The following MARCHF4 variants were observed in gnomAD, a reference collection of about 807,000 sequenced individuals.
MARCHF4 encodes the protein E3 ubiquitin-protein ligase MARCHF4.
In MARCHF4, 14 loss-of-function variants were observed where a neutral mutation model predicts 43.9. That is an observed-to-expected ratio of 0.32 (90% CI 0.21 to 0.50). The LOEUF is 0.50. Among genes scored for constraint, MARCHF4 ranks in the 20% least tolerant of loss-of-function variants. MARCHF4 has a pLI of 0.98. For synonymous variants in MARCHF4, 226 were observed against 213.3 expected, an observed-to-expected ratio of 1.06 and a Z score of -0.52; for missense variants, 468 against 536.7, an observed-to-expected ratio of 0.87 and a Z score of 1.27.
intron 2 of MARCHF4, among the ~76,000 whole-genome samples, chr2:216,279,477 G>T (rs207810): frequency 0.49 from 74,883 of 152,086 alleles, 20,660 homozygotes; most frequent in African/African-American, 0.74. Flanking sequence ...GAAGGTAGGG[G>T]GAGGACATCT....
At chr2:216,294,214 C>G (rs1691356074) in intron 1 of MARCHF4, among the ~76,000 whole-genome samples, 1 of 152,230 alleles carries the variant, frequency 6.6e-6, no homozygotes, top group Non-Finnish European at 1.5e-5. Flanking sequence ...AGGCACAGGC[C>G]CCCTGGCAAG....
chr2:216,298,691 T>C (rs1021289852), intron 1 of MARCHF4, among the ~76,000 whole-genome samples: 4 of 152,234 alleles, frequency 2.6e-5, no homozygotes, highest in Admixed American at 6.5e-5. Context: ...ACAGATTTAT[T>C]GTAAATCAAA....
chr2:216,329,137 T>G (rs1476168516), intron 1 of MARCHF4, among the ~76,000 whole-genome samples: 1 of 152,088 alleles, frequency 6.6e-6, no homozygotes, highest in Non-Finnish European at 1.5e-5. Context: ...TCCCAGCACT[T>G]TGGGAGGCCA....
At chr2:216,279,932 C>A (rs1044995545) in intron 2 of MARCHF4, among the ~76,000 whole-genome samples, 1 of 152,158 alleles carries the variant, frequency 6.6e-6, no homozygotes, top group Non-Finnish European at 1.5e-5. Context: ...ACCATTGAGG[C>A]ATCCATCATC....
At chr2:216,284,233 T>C (rs1691182819) in intron 1 of MARCHF4, among the ~76,000 whole-genome samples, 1 of 151,612 alleles carries the variant, frequency 6.6e-6, no homozygotes, top group Non-Finnish European at 1.5e-5. Flanking sequence ...ATCTAGGAGG[T>C]TGGACAAATG....
At chr2:216,272,324 C>G (rs1413763249) in intron 3 of MARCHF4, among the ~76,000 whole-genome samples, 1 of 152,050 alleles carries the variant, frequency 6.6e-6, no homozygotes, top group East Asian at 1.9e-4. Flanking sequence ...CAAAATAGCA[C>G]AATCAAAAAG....
chr2:216,348,032 C>CTT (rs773695717), intron 1 of MARCHF4, among the ~76,000 whole-genome samples: 32 of 99,654 alleles, frequency 3.2e-4, no homozygotes, highest in African/African-American at 3.9e-4. Context: ...TTAAGGCATT[C>CTT]TTTTTTTTTT....
chr2:216,368,570 C>T (rs575627525), intron 1 of MARCHF4, among the ~76,000 whole-genome samples: 1 of 152,330 alleles, frequency 6.6e-6, no homozygotes, highest in African/African-American at 2.4e-5. Flanking sequence ...AAAATGCCAG[C>T]TAAGCCTGCA....
intron 1 of MARCHF4, among the ~76,000 whole-genome samples, chr2:216,350,301 A>C (rs1574485451): frequency 4.6e-5 from 3 of 65,848 alleles, no homozygotes; most frequent in African/African-American, 1.2e-4. Flanking sequence ...ACACCCCCTC[A>C]CTGTGCCACA....
intron 1 of MARCHF4, among the ~76,000 whole-genome samples, chr2:216,288,762 C>T (rs541692025): frequency 1.8e-4 from 27 of 152,132 alleles, no homozygotes; most frequent in East Asian, 1.7e-3. Flanking sequence ...AGATGTATTC[C>T]GCTCACTGCA....
chr2:216,265,508 T>C (rs1690831740), intron 3 of MARCHF4: 3 of 152,252 alleles, frequency 2.0e-5, no homozygotes, highest in Admixed American at 2.0e-4. Context: ...TTACACTTTT[T>C]TTTTTTTGAC....
intron 1 of MARCHF4, among the ~76,000 whole-genome samples, chr2:216,295,944 G>A (rs1217983472): frequency 6.6e-5 from 10 of 152,282 alleles, no homozygotes; most frequent in African/African-American, 1.7e-4. Context: ...TCAGGAGTTC[G>A]AGACCAGCCT....
intron 1 of MARCHF4, among the ~76,000 whole-genome samples, chr2:216,328,879 C>T (rs1390086327): frequency 6.6e-6 from 1 of 151,420 alleles, no homozygotes; most frequent in Non-Finnish European, 1.5e-5. Context: ...CTCTACTAAA[C>T]ATACAAAAAT....
chr2:216,358,375 T>C (rs1447917581), intron 1 of MARCHF4, among the ~76,000 whole-genome samples: 5 of 152,208 alleles, frequency 3.3e-5, no homozygotes, highest in Admixed American at 3.3e-4. Flanking sequence ...TCATTTTCTA[T>C]TTCCCAAATT....
At chr2:216,328,201 C>T (rs1284913031) in intron 1 of MARCHF4, among the ~76,000 whole-genome samples, 4 of 152,134 alleles carry the variant, frequency 2.6e-5, no homozygotes, top group Admixed American at 6.5e-5. Context: ...GACGGAGTCT[C>T]GCTCTGACGC....
chr2:216,286,679 CA>C (rs1691224061), intron 1 of MARCHF4, among the ~76,000 whole-genome samples: 1 of 152,148 alleles, frequency 6.6e-6, no homozygotes, highest in Admixed American at 6.5e-5. Flanking sequence ...TGCATTCAGG[CA>C]AATTTTGTAG....
intron 1 of MARCHF4, among the ~76,000 whole-genome samples, chr2:216,297,299 G>T (rs1691412226): frequency 6.6e-6 from 1 of 152,164 alleles, no homozygotes; most frequent in Non-Finnish European, 1.5e-5. Flanking sequence ...CCTACCCCCA[G>T]TCCTGGCAGA....
rs1380688142 is a variant in MARCHF4, at chr2:216,258,581, A to G, written c.*731T>C. The G allele has an allele frequency of 6.6e-6, 1 of 151,906 alleles. No homozygotes were observed. The highest frequency in any genetic ancestry group is 1.5e-5 in the Non-Finnish European group (1 of 68,162). 9.4% of individuals were successfully genotyped at this position (151,906 alleles called of 1,614,324 possible). A position where few individuals can be genotyped will look rare whatever the true frequency, so the allele number is the denominator to read the frequency against. ...TCTTTGAACCAAATCACTATAAAAT[A>G]AATTAACAAGGGCACAGAAGGACAC... On this transcript the variant is annotated 3_prime_UTR_variant, in exon 4 of 4. Coordinates refer to ENST00000273067, the MANE Select transcript of MARCHF4 (RefSeq NM_020814.3).
intron 1 of MARCHF4, among the ~76,000 whole-genome samples, chr2:216,333,211 C>T (rs1692107477): frequency 6.6e-6 from 1 of 152,066 alleles, no homozygotes; most frequent in South Asian, 2.1e-4. Context: ...AGGGGCAAGC[C>T]CCAGAATAGA....
Sources: gnomAD v4.1 joint callset for allele counts (sites outside exome capture counted in the v4.1 genomes callset) on GRCh38, gnomAD v4.1.1 for gene constraint, MANE v1.5 for transcripts, NCBI Gene and HGNC (gene_info 2026-07-23, HGNC 2026-07-21) for gene names.